Variants in UNC13C observed in about 807,000 individuals in gnomAD.
The protein encoded by UNC13C is unc-13 homolog C.
A neutral mutation model predicts 245.4 loss-of-function variants in UNC13C; 174 were observed. That is an observed-to-expected ratio of 0.71 (90% CI 0.63 to 0.80). UNC13C has a LOEUF of 0.80. Ranked by LOEUF, UNC13C falls within the 30% of genes least tolerant of loss-of-function variation. UNC13C has a pLI of 0.00. For missense variants in UNC13C, 2,829 were observed against 2,602.9 expected (o/e 1.09, Z -1.89); for synonymous variants, 992 against 895.1 (o/e 1.11, Z -1.93).
At chr15:54,240,131 C>T (rs1238189254) in intron 7 of UNC13C, among the ~76,000 whole-genome samples, 5 of 149,588 alleles carry the variant, frequency 3.3e-5, no homozygotes, top group Non-Finnish European at 7.4e-5. Flanking sequence ...AAAATATCAC[C>T]TTTACTCCTT....
chr15:54,085,689 C>G (rs1364931979), intron 2 of UNC13C, among the ~76,000 whole-genome samples: 3 of 152,046 alleles, frequency 2.0e-5, no homozygotes, highest in Non-Finnish European at 4.4e-5. Context: ...TCAAGTGATC[C>G]TCTTGCCTTG....
chr15:53,943,748 TCTC>T, the UNC13C span, among the ~76,000 whole-genome samples: 10 of 152,194 alleles, frequency 6.6e-5, no homozygotes, highest in Non-Finnish European at 1.3e-4. Context: ...TTTGTCTATT[TCTC>T]CTTTCAGTTC....
intron 19 of UNC13C, among the ~76,000 whole-genome samples, chr15:54,415,485 G>C (rs1157577781): frequency 6.6e-6 from 1 of 152,072 alleles, no homozygotes; most frequent in East Asian, 1.9e-4. Flanking sequence ...CAATGGCAGA[G>C]GTCTTCACCC....
intron 2 of UNC13C, among the ~76,000 whole-genome samples, chr15:54,045,985 C>G (rs781700649): frequency 6.6e-6 from 1 of 152,064 alleles, no homozygotes; most frequent in African/African-American, 2.4e-5. Flanking sequence ...CAGATTCATT[C>G]GGTATTCAAT....
intron 30 of UNC13C, among the ~76,000 whole-genome samples, chr15:54,615,135 C>T (rs563475153): frequency 2.0e-5 from 3 of 152,086 alleles, no homozygotes; most frequent in East Asian, 1.9e-4. Flanking sequence ...TGTTTTGATA[C>T]AGGCATGCAA....
At chr15:54,209,859 T>G (rs1408679093) in intron 4 of UNC13C, among the ~76,000 whole-genome samples, 1 of 152,168 alleles carries the variant, frequency 6.6e-6, no homozygotes, top group African/African-American at 2.4e-5. Context: ...GGATAGTCAA[T>G]TTATCTATTA....
intron 17 of UNC13C, among the ~76,000 whole-genome samples, chr15:54,382,837 A>G (rs1490314825): frequency 1.3e-5 from 2 of 152,150 alleles, no homozygotes; most frequent in Non-Finnish European, 2.9e-5. Flanking sequence ...AGCTCAAAAC[A>G]GACGACCTCA....
At chr15:54,472,984 A>G (rs1165314506) in intron 19 of UNC13C, among the ~76,000 whole-genome samples, 5 of 151,734 alleles carry the variant, frequency 3.3e-5, no homozygotes, top group Admixed American at 6.6e-5. Context: ...ATGGTACCCA[A>G]TAGTTATTCA....
At position 54,226,309 on chromosome 15, in the gene UNC13C, G is replaced by A. The variant is rs374199979; in HGVS notation, c.3072-8721G>A. ...TAGGTTCTGGTATCAGGATGAGAGT[G>A]GCCTCATAAAATGAGTTAGGGATGA... On this transcript the variant is annotated intron_variant, in intron 4 of 32. Transcript: ENST00000260323. Among the ~76,000 whole-genome samples, 28 of 152,248 alleles carry A rather than the reference G, an allele frequency of 1.8e-4. No individual in the cohort carries two copies. In the East Asian group the frequency reaches 5.0e-3, roughly 27 times the overall value.
chr15:54,379,389 C>T lies in UNC13C; in HGVS notation c.4714-13659C>T, dbSNP rs1388050426. ...TGACAGAATACAAAAATCTAGCAAA[C>T]TCATGACTGATACTGGCACCCAAAA... is the stretch of plus-strand genomic sequence containing the variant. On this transcript the variant is annotated intron_variant, in intron 17 of 32. Coordinates refer to ENST00000260323, the MANE Select transcript of UNC13C (RefSeq NM_001080534.3). Among the ~76,000 whole-genome samples the T allele has an allele frequency of 2.0e-5, 3 of 152,072 alleles. No homozygotes were observed. The South Asian group carries it at 6.2e-4, about 31-fold the overall frequency.
At chr15:54,116,838 G>A (rs1379432854) in intron 2 of UNC13C, among the ~76,000 whole-genome samples, 1 of 151,944 alleles carries the variant, frequency 6.6e-6, no homozygotes, top group Non-Finnish European at 1.5e-5. Flanking sequence ...AGTTTTTTGA[G>A]GAACCTCCGT....
intron 19 of UNC13C, among the ~76,000 whole-genome samples, chr15:54,451,942 T>G (rs1418657206): frequency 1.3e-5 from 2 of 152,214 alleles, no homozygotes; most frequent in African/African-American, 4.8e-5. Flanking sequence ...TGAATGTGTA[T>G]CTGTGATTTT....
chr15:54,608,650 C>T (rs1170239361), intron 30 of UNC13C, among the ~76,000 whole-genome samples: 2 of 152,030 alleles, frequency 1.3e-5, no homozygotes, highest in African/African-American at 4.8e-5. Context: ...TTTCAGATTC[C>T]AGATTCTTAT....
At chr15:54,601,666 T>C (rs1341202890) in intron 30 of UNC13C, among the ~76,000 whole-genome samples, 1 of 152,178 alleles carries the variant, frequency 6.6e-6, no homozygotes, top group Non-Finnish European at 1.5e-5. Flanking sequence ...CATATGCTTT[T>C]TTCCCTTTGG....
At chr15:54,160,649 G>T (rs1014478148) in intron 4 of UNC13C, among the ~76,000 whole-genome samples, 2 of 152,054 alleles carry the variant, frequency 1.3e-5, no homozygotes, top group South Asian at 4.1e-4. Context: ...CTGTGGAAAA[G>T]CTTCCTAATT....
chr15:54,494,608 A>C lies in UNC13C; in HGVS notation c.4934A>C (p.Glu1645Ala). 6.2e-7 allele frequency: 1 copy of C among 1,606,434 alleles called. No individual in the cohort carries two copies. The highest frequency in any genetic ancestry group is 8.5e-7 in the Non-Finnish European group (1 of 1,176,720). The change falls in exon 20 of 33, where the codon GAA becomes GCA. Residue 1645 changes from glutamate (E) to alanine (A), a missense_variant and splice_region_variant. By Grantham distance (107) the Glu-to-Ala change is moderately radical. Coordinates refer to ENST00000260323, the MANE Select transcript of UNC13C (RefSeq NM_001080534.3). The part of the protein sequence containing the change: ...FALDMKYALE[E>A]HENQRLCKST... ...AAATATTTAATTTTATCTGTTATAG[A>C]ACATGAAAATCAGCGGTTATGCAAG...
intron 17 of UNC13C, among the ~76,000 whole-genome samples, chr15:54,342,669 G>A (rs1472021708): frequency 6.6e-6 from 1 of 152,102 alleles, no homozygotes; most frequent in Non-Finnish European, 1.5e-5. Context: ...CTGTTTACTT[G>A]GGAGAGGCAA....
In UNC13C at chr15:54,193,941, A is replaced by T. The variant is rs550785734; in HGVS notation, c.3072-41089A>T. On this transcript the variant is annotated intron_variant, in intron 4 of 32. Transcript: ENST00000260323. ...GAGCTACGAAGGTTCTACTGAAGAG[A>T]ACAGAGGTAGGAATGAGCTTGGCCA... is the stretch of plus-strand genomic sequence containing the variant. Among the ~76,000 whole-genome samples, 3 of 152,300 alleles carry T rather than the reference A, an allele frequency of 2.0e-5. No individual in the cohort carries two copies. In the East Asian group the frequency reaches 5.8e-4, roughly 29 times the overall value.
chr15:54,135,095 T>G (rs2031662027), intron 2 of UNC13C, among the ~76,000 whole-genome samples: 1 of 152,208 alleles, frequency 6.6e-6, no homozygotes, highest in Non-Finnish European at 1.5e-5. Context: ...TAAATGTGTA[T>G]TAGCCATTAA....
Sources: gnomAD v4.1 joint callset for allele counts (sites outside exome capture counted in the v4.1 genomes callset) on GRCh38, gnomAD v4.1.1 for gene constraint, MANE v1.5 for transcripts, NCBI Gene and HGNC (gene_info 2026-07-23, HGNC 2026-07-21) for gene names.